Variants in PCDHGB6 observed in about 807,000 individuals in gnomAD.
PCDHGB6 encodes the protein protocadherin gamma-B6.
A neutral mutation model predicts 59.1 loss-of-function variants in PCDHGB6; 51 were observed. The observed-to-expected ratio is 0.86, with a 90% CI of 0.69 to 1.09. The LOEUF (loss-of-function observed/expected upper bound fraction) is 1.09, where lower values mean the gene tolerates loss of function less well. Among genes scored for constraint, PCDHGB6 ranks in the 50% least tolerant of loss-of-function variants. The pLI, the probability that PCDHGB6 is intolerant of heterozygous loss-of-function variation, is 0.00. For synonymous variants in PCDHGB6, 466 were observed against 495.1 expected, an observed-to-expected ratio of 0.94 and a Z score of 0.78; for missense variants, 1,148 against 1,205.1, an observed-to-expected ratio of 0.95 and a Z score of 0.70.
chr5:141,431,162 G>C lies in PCDHGB6; in HGVS notation c.2418+20542G>C, dbSNP rs757521794. The C allele has an allele frequency of 3.1e-6, 5 of 1,614,246 alleles. No homozygotes were observed. The South Asian group carries it at 5.5e-5, about 18-fold the overall frequency. On this transcript the variant is annotated intron_variant, in intron 1 of 3. Coordinates refer to ENST00000520790, the MANE Select transcript of PCDHGB6 (RefSeq NM_018926.3). The surrounding 1 kb of genome is among the most constrained non-coding windows in gnomAD (Gnocchi z 4.8). Reference sequence around the variant, plus strand: ...TAACGACAATGCGCCTTACTTTCGTGAAAGTGAATTAGAAATAAAAATTAG... The same window carrying C: ...TAACGACAATGCGCCTTACTTTCGTCAAAGTGAATTAGAAATAAAAATTAG...
intron 1 of PCDHGB6, among the ~76,000 whole-genome samples, chr5:141,460,912 G>GTATA (rs34683754): frequency 4.0e-5 from 6 of 149,324 alleles, no homozygotes; most frequent in South Asian, 2.1e-4. Context: ...ATTCCATGGT[G>GTATA]TATATATATA....
intron 1 of PCDHGB6, among the ~76,000 whole-genome samples, chr5:141,456,250 C>T (rs1244300374): frequency 4.6e-5 from 7 of 152,014 alleles, no homozygotes; most frequent in African/African-American, 1.7e-4. Context: ...AGGCTTTGGG[C>T]GACCATTGCT....
At position 141,476,613 on chromosome 5, in the gene PCDHGB6, G is replaced by A; in HGVS notation, c.2419-18194G>A. On this transcript the variant is annotated intron_variant, in intron 1 of 3. Coordinates refer to ENST00000520790, the MANE Select transcript of PCDHGB6 (RefSeq NM_018926.3). This position sits in a 1 kb window ranked among gnomAD's most constrained non-coding sequence, Gnocchi z 7.6. ...AGCGCGCACGATCCCGATGTGGGAA[G>A]CAACTCTTTACAAACCTATGAGCTG... is the stretch of plus-strand genomic sequence containing the variant. 1 of 1,614,266 alleles carries A rather than the reference G, an allele frequency of 6.2e-7. No homozygotes were observed. The highest frequency in any genetic ancestry group is 1.3e-5 in the African/African-American group (1 of 75,078).
At chr5:141,416,687 A>G (rs1283053610) in intron 1 of PCDHGB6, 1 of 152,270 alleles carries the variant, frequency 6.6e-6, no homozygotes, top group Non-Finnish European at 1.5e-5. Flanking sequence ...GGGAAATTAT[A>G]TAAACAAAGG....
At position 141,431,303 on chromosome 5, in the gene PCDHGB6, G is replaced by T. The variant is rs777784010; in HGVS notation, c.2418+20683G>T. The T allele has an allele frequency of 1.2e-6, 2 of 1,614,060 alleles. No homozygotes were observed. Among genetic ancestry groups the T allele is most frequent in the Non-Finnish European group, 1.7e-6 (2 of 1,180,038 alleles). On this transcript the variant is annotated intron_variant, in intron 1 of 3. Coordinates refer to ENST00000520790, the MANE Select transcript of PCDHGB6 (RefSeq NM_018926.3). The surrounding 1 kb of genome is among the most constrained non-coding windows in gnomAD (Gnocchi z 4.8). ...CCCGAACACTCACTTCTCCCTCATC[G>T]TGCAAAATGGAGCCGACGGTAGTAA...
At chr5:141,482,611 G>A (rs1016481108) in intron 1 of PCDHGB6, among the ~76,000 whole-genome samples, 3 of 150,398 alleles carry the variant, frequency 2.0e-5, no homozygotes, top group African/African-American at 7.4e-5. Context: ...ACACCTAAAT[G>A]AGCCTGGAGA....
In PCDHGB6 at chr5:141,410,164, C is replaced by G. The variant is rs756470415; in HGVS notation, c.1962C>G (p.Leu654=). Residue 654 remains leucine, a synonymous_variant, in exon 1 of 4, where the codon CTC becomes CTG. Coordinates refer to ENST00000520790, the MANE Select transcript of PCDHGB6 (RefSeq NM_018926.3). ...VAVRDGGQPP[L]SATATLHLVF... is the part of the protein sequence containing the mutation. ...TGCGTGACGGTGGACAGCCGCCACT[C>G]TCTGCCACCGCCACGCTTCATCTGG... is the stretch of plus-strand genomic sequence containing the variant. 5.0e-6 allele frequency: 8 copies of G among 1,613,642 alleles called. No homozygotes were observed. Among genetic ancestry groups the G allele is most frequent in the South Asian group, 2.2e-5 (2 of 91,080 alleles).
chr5:141,484,949 A>C, intron 1 of PCDHGB6: 1 of 557,400 alleles, frequency 1.8e-6, no homozygotes, highest in Non-Finnish European at 3.2e-6. Context: ...TGCTCAGCCT[A>C]TTGGCTGAGC....
chr5:141,511,632 G>A lies in PCDHGB6; in HGVS notation c.*459G>A, dbSNP rs1388627906. The A allele has an allele frequency of 8.6e-6, 2 of 231,934 alleles. No homozygotes were observed. The highest frequency in any genetic ancestry group is 5.1e-5 in the Admixed American group (1 of 19,634). 14.4% of individuals were successfully genotyped at this position (231,934 alleles called of 1,614,324 possible). A position where few individuals can be genotyped will look rare whatever the true frequency, so the allele number is the denominator to read the frequency against. On this transcript the variant is annotated 3_prime_UTR_variant, in exon 4 of 4. Transcript: ENST00000520790. ...CCTCCTAGTTCTGAAAAGTTGGAAG[G>A]GCATCATGACCTCTTGGCCTCTCCT...
At chr5:141,448,415 T>C (rs1286455437) in intron 1 of PCDHGB6, among the ~76,000 whole-genome samples, 2 of 152,158 alleles carry the variant, frequency 1.3e-5, no homozygotes, top group African/African-American at 2.4e-5. Context: ...ATCAAAACAA[T>C]ATACTATGTA....
intron 3 of PCDHGB6, among the ~76,000 whole-genome samples, chr5:141,509,262 ACT>A (rs761383166): frequency 9.2e-5 from 14 of 151,714 alleles, no homozygotes; most frequent in Non-Finnish European, 1.9e-4. Flanking sequence ...GGCTTTAGTC[ACT>A]CTCGCTACCC....
rs752401867 is a variant in PCDHGB6, at chr5:141,511,224, G to A, written c.*51G>A. On this transcript the variant is annotated 3_prime_UTR_variant, in exon 4 of 4. Transcript: ENST00000520790. ...GGGCGGCCTCTCCCCAACCAGCCCA[G>A]CTTCTCCTTACCTGCACCCAGGCCT... 1.2e-6 allele frequency: 2 copies of A among 1,603,276 alleles called. No homozygotes were observed.
At chr5:141,410,886 C>A in intron 1 of PCDHGB6, 1 of 290,056 alleles carries the variant, frequency 3.4e-6, no homozygotes, top group Non-Finnish European at 5.6e-6. Flanking sequence ...TGGAGTCTCG[C>A]ACTGTTGCCT....
rs1396618267 is a variant in PCDHGB6, at chr5:141,421,234, A to T, written c.2418+10614A>T. On this transcript the variant is annotated intron_variant, in intron 1 of 3. Coordinates refer to ENST00000520790, the MANE Select transcript of PCDHGB6 (RefSeq NM_018926.3). ...TATCGGCTTAGAGCCTGCCATGGCG[A>T]ATCGGCTACAGCGCGGGGACCGCAG... 7 of 1,593,656 alleles carry T rather than the reference A, an allele frequency of 4.4e-6. No homozygotes were observed. In the African/African-American group the frequency reaches 9.4e-5, roughly 21 times the overall value.
intron 1 of PCDHGB6, among the ~76,000 whole-genome samples, chr5:141,456,907 G>A (rs1430292511): frequency 6.6e-6 from 1 of 152,108 alleles, no homozygotes; most frequent in Non-Finnish European, 1.5e-5. Flanking sequence ...AGGTTGCAGT[G>A]AGCCGAGATC....
intron 1 of PCDHGB6, chr5:141,475,934 GC>G (rs879308605): frequency 6.0e-6 from 4 of 665,236 alleles, no homozygotes; most frequent in Non-Finnish European, 1.0e-5. Context: ...TCGGGCCCCT[GC>G]CCGTCCCCTT....
chr5:141,418,069 G>T, intron 1 of PCDHGB6: 4 of 1,614,042 alleles, frequency 2.5e-6, no homozygotes, highest in South Asian at 2.2e-5. Flanking sequence ...GAGTGAGCGC[G>T]GAGAAGCTGC....
intron 1 of PCDHGB6, chr5:141,427,690 T>TC (rs1331581287): frequency 2.3e-6 from 2 of 881,240 alleles, no homozygotes; most frequent in Non-Finnish European, 3.7e-6. Context: ...GGAGCCTCCA[T>TC]CCCACAAGTC....
At position 141,431,353 on chromosome 5, in the gene PCDHGB6, C is replaced by T. The variant is rs1273946805; in HGVS notation, c.2418+20733C>T. 1 of 1,613,940 alleles carries T rather than the reference C, an allele frequency of 6.2e-7. No homozygotes were observed. Among genetic ancestry groups the T allele is most frequent in the Non-Finnish European group, 8.5e-7 (1 of 1,180,042 alleles). On this transcript the variant is annotated intron_variant, in intron 1 of 3. Coordinates refer to ENST00000520790, the MANE Select transcript of PCDHGB6 (RefSeq NM_018926.3). This position sits in a 1 kb window ranked among gnomAD's most constrained non-coding sequence, Gnocchi z 4.8. ...AGTACCCCGAATTGGTGCTGAAACG[C>T]GCCCTGGACCGCGAAGAAAAGGCTG...
Sources: gnomAD v4.1 joint callset for allele counts (sites outside exome capture counted in the v4.1 genomes callset) on GRCh38, gnomAD v4.1.1 for gene constraint, Gnocchi (gnomAD v3.1) non-coding constraint, MANE v1.5 for transcripts, NCBI Gene and HGNC (gene_info 2026-07-23, HGNC 2026-07-21) for gene names.